SLC35D4: variants seen among roughly 807,000 people sequenced by gnomAD.
The protein encoded by SLC35D4 is solute carrier family 35 member D4.
At chr18:23,352,143 C>T in the SLC35D4 span, 10 of 1,515,440 alleles carry the variant, frequency 6.6e-6, no homozygotes, top group Admixed American at 1.8e-4. Flanking sequence ...GTTCTGAGAT[C>T]TTTGGATACA....
chr18:23,279,585 T>G, the SLC35D4 span, among the ~76,000 whole-genome samples: 1 of 150,732 alleles, frequency 6.6e-6, no homozygotes, highest in African/African-American at 2.4e-5. Context: ...AAGGGGAAAA[T>G]AGGACACAGA....
chr18:23,239,379 T>A, the SLC35D4 span, among the ~76,000 whole-genome samples: 3 of 152,242 alleles, frequency 2.0e-5, no homozygotes, highest in Admixed American at 2.0e-4. Flanking sequence ...TGTTTCCTAT[T>A]CTGGCCACAG....
the SLC35D4 span, among the ~76,000 whole-genome samples, chr18:23,283,458 A>C: frequency 8.0e-5 from 11 of 137,818 alleles, no homozygotes; most frequent in African/African-American, 2.8e-4. Context: ...GACAACACAG[A>C]GAGACCCAGT....
chr18:23,298,929 G>C, the SLC35D4 span, among the ~76,000 whole-genome samples: 1 of 152,154 alleles, frequency 6.6e-6, no homozygotes, highest in African/African-American at 2.4e-5. Context: ...CCCAGGCCAC[G>C]GCGCCTTCGC....
At chr18:23,242,047 G>A in the SLC35D4 span, among the ~76,000 whole-genome samples, 2 of 152,242 alleles carry the variant, frequency 1.3e-5, no homozygotes, top group African/African-American at 4.8e-5. Context: ...AGGCCGAGGC[G>A]GGTGGATCAC....
the SLC35D4 span, among the ~76,000 whole-genome samples, chr18:23,361,516 C>T: frequency 5.3e-5 from 8 of 152,160 alleles, no homozygotes; most frequent in Admixed American, 2.6e-4. Context: ...CCCAGCAAAA[C>T]CCTTCTTATA....
At chr18:23,261,158 A>G in the SLC35D4 span, among the ~76,000 whole-genome samples, 3 of 152,200 alleles carry the variant, frequency 2.0e-5, no homozygotes, top group African/African-American at 4.8e-5. Context: ...CACATCATCT[A>G]TACAACATCA....
chr18:23,372,472 G>C, the SLC35D4 span, among the ~76,000 whole-genome samples: 1 of 152,212 alleles, frequency 6.6e-6, no homozygotes, highest in African/African-American at 2.4e-5. Flanking sequence ...GCATCAGAGA[G>C]ATCTGGGATA....
chr18:23,334,457 A>C, the SLC35D4 span, among the ~76,000 whole-genome samples: 1,515 of 152,264 alleles, frequency 9.9e-3, 24 homozygotes, highest in African/African-American at 0.033. Context: ...CAAAATTACA[A>C]ATTCAGTCTC....
chr18:23,429,958 G>A, the SLC35D4 span, among the ~76,000 whole-genome samples: 153 of 152,194 alleles, frequency 1.0e-3, no homozygotes, highest in African/African-American at 3.5e-3. Flanking sequence ...TCTGTAGGCT[G>A]TCTGTTTACT....
the SLC35D4 span, among the ~76,000 whole-genome samples, chr18:23,245,798 G>A: frequency 2.0e-5 from 3 of 152,232 alleles, no homozygotes; most frequent in South Asian, 2.1e-4. Context: ...TCAAGTGCTC[G>A]ACAGTGCATT....
chr18:23,360,766 A>T, the SLC35D4 span, among the ~76,000 whole-genome samples: 1 of 152,168 alleles, frequency 6.6e-6, no homozygotes, highest in African/African-American at 2.4e-5. Flanking sequence ...ATATCAATTT[A>T]AAAATGTTTT....
chr18:23,313,154 A>AAAAAAAAAAAAAAAAAAAAAAAAAAAAAT, the SLC35D4 span, among the ~76,000 whole-genome samples: 1 of 146,488 alleles, frequency 6.8e-6, no homozygotes, highest in African/African-American at 2.5e-5. Flanking sequence ...AAAAAAAAAA[A>AAAAAAAAAAAAAAAAAAAAAAAAAAAAAT]AAAGAACCTG....
the SLC35D4 span, among the ~76,000 whole-genome samples, chr18:23,380,633 C>A: frequency 6.6e-6 from 1 of 152,172 alleles, no homozygotes; most frequent in South Asian, 2.1e-4. Flanking sequence ...TTAGGCCTAG[C>A]AACATGTTTG....
chr18:23,361,511 C>G, the SLC35D4 span, among the ~76,000 whole-genome samples: 2 of 152,168 alleles, frequency 1.3e-5, no homozygotes, highest in Non-Finnish European at 2.9e-5. Context: ...CACGGCCCAG[C>G]AAAACCCTTC....
chr18:23,264,214 G>T, the SLC35D4 span, among the ~76,000 whole-genome samples: 1 of 152,204 alleles, frequency 6.6e-6, no homozygotes, highest in African/African-American at 2.4e-5. Context: ...TTGCCTGCTG[G>T]TTCTGCAGGT....
the SLC35D4 span, chr18:23,296,489 G>A: frequency 6.6e-6 from 1 of 152,122 alleles, no homozygotes; most frequent in African/African-American, 2.4e-5. Flanking sequence ...TGTAGTTTTA[G>A]TAGAGACAGG....
At chr18:23,393,137 G>C in the SLC35D4 span, among the ~76,000 whole-genome samples, 1 of 151,894 alleles carries the variant, frequency 6.6e-6, no homozygotes, top group Non-Finnish European at 1.5e-5. Flanking sequence ...GGATGGTCTC[G>C]ATCTCCTGAC....
chr18:23,430,874 A>G, the SLC35D4 span, among the ~76,000 whole-genome samples: 142,971 of 152,234 alleles, frequency 0.94, 67,197 homozygotes, highest in African/African-American at 0.95. Flanking sequence ...AAATTGAGCC[A>G]GCTGGGCACG....
Sources: gnomAD v4.1 joint callset for allele counts (sites outside exome capture counted in the v4.1 genomes callset) on GRCh38, gnomAD v4.1.1 for gene constraint, MANE v1.5 for transcripts, NCBI Gene and HGNC (gene_info 2026-07-23, HGNC 2026-07-21) for gene names.